Variants in STMN2 observed in about 807,000 individuals in gnomAD.
The protein encoded by STMN2 is stathmin 2.
In STMN2, 2 loss-of-function variants were observed where a neutral mutation model predicts 24.1. The observed-to-expected ratio is 0.08, with a 90% confidence interval of 0.03 to 0.26. The LOEUF (loss-of-function observed/expected upper bound fraction) is 0.26. STMN2 is among the 10% of genes least tolerant of loss of function. The pLI is 1.00. For missense variants in STMN2, 114 were observed against 213.6 expected (o/e 0.53, Z 2.91); for synonymous variants, 83 against 77.5 (o/e 1.07, Z -0.37).
chr8:79,635,521 GC>G (rs1809925396), intron 1 of STMN2, among the ~76,000 whole-genome samples: 1 of 152,138 alleles, frequency 6.6e-6, no homozygotes, highest in Non-Finnish European at 1.5e-5. Flanking sequence ...TCCATCTATG[GC>G]AGATTGGATA....
chr8:79,625,373 T>C (rs1007214753), intron 1 of STMN2, among the ~76,000 whole-genome samples: 6 of 152,154 alleles, frequency 3.9e-5, no homozygotes, highest in Non-Finnish European at 7.4e-5. Flanking sequence ...AAGTATCTTA[T>C]AGGAGGATTA....
chr8:79,641,424 T>C lies in STMN2; in HGVS notation c.162T>C (p.Phe54=). 6.2e-7 allele frequency: 1 copy of C among 1,614,132 alleles called. No homozygotes were observed. Among genetic ancestry groups the C allele is most frequent in the African/African-American group, 1.3e-5 (1 of 75,046 alleles). Residue 54 remains phenylalanine, a synonymous_variant, in exon 3 of 5, where the codon TTT becomes TTC. Transcript: ENST00000220876. ...ACAAACGTGCCTCTGGCCAGGCTTT[T>C]GAGCTGATCTTGAAGCCACCATCTC... ...QINKRASGQA[F]ELILKPPSPI...
intron 1 of STMN2, among the ~76,000 whole-genome samples, chr8:79,616,226 A>G (rs1246506245): frequency 1.3e-5 from 2 of 152,142 alleles, no homozygotes; most frequent in African/African-American, 4.8e-5. Flanking sequence ...ATCTAATCCA[A>G]TGTGATTTCA....
intron 1 of STMN2, among the ~76,000 whole-genome samples, chr8:79,625,723 C>G (rs190607056): frequency 1.3e-5 from 2 of 151,992 alleles, no homozygotes; most frequent in African/African-American, 4.8e-5. Flanking sequence ...TTTGGGAGGC[C>G]GAGGTGGGTG....
chr8:79,625,980 A>G (rs1447151638), intron 1 of STMN2, among the ~76,000 whole-genome samples: 2 of 151,144 alleles, frequency 1.3e-5, no homozygotes, highest in Admixed American at 1.3e-4. Flanking sequence ...AAATAAATCA[A>G]TCAATAAAAT....
rs551250303 is a variant in STMN2, at chr8:79,630,916, A to G, written c.20-5886A>G. On this transcript the variant is annotated intron_variant, in intron 1 of 4. Coordinates refer to ENST00000220876, the MANE Select transcript of STMN2 (RefSeq NM_007029.4). ...CTTAGGGGGATAAAAAAATCCCTCA[A>G]TACTCAGAATTAGACTTGGTGATAA... 2.0e-5 allele frequency among the ~76,000 whole-genome samples: 3 copies of G among 152,314 alleles called. No individual in the cohort carries two copies. The East Asian group carries it at 5.8e-4, about 29-fold the overall frequency.
rs576910019 is a variant in STMN2, at chr8:79,614,915, A to G, written c.19+3701A>G. Among the ~76,000 whole-genome samples the G allele has an allele frequency of 1.3e-3, 193 of 152,340 alleles. 2 individuals are homozygous for G. Among genetic ancestry groups the G allele is most frequent in the Non-Finnish European group, 1.6e-3 (112 of 68,032 alleles). On this transcript the variant is annotated intron_variant, in intron 1 of 4. Coordinates refer to ENST00000220876, the MANE Select transcript of STMN2 (RefSeq NM_007029.4). ...TGGAATAAGCATTTAATCATTTGGC[A>G]CAATATGACTTCCATCAAATAGCTC...
chr8:79,612,675 G>A (rs6982312), intron 1 of STMN2, among the ~76,000 whole-genome samples: 2 of 152,186 alleles, frequency 1.3e-5, no homozygotes, highest in Admixed American at 6.5e-5. Context: ...GTGGGGCCTG[G>A]GGTCCTGTGG....
At chr8:79,627,527 C>T (rs1300289996) in intron 1 of STMN2, among the ~76,000 whole-genome samples, 3 of 152,138 alleles carry the variant, frequency 2.0e-5, no homozygotes, top group Non-Finnish European at 4.4e-5. Context: ...ACAGTTTATG[C>T]ATCACTTATT....
At position 79,636,865 on chromosome 8, in the gene STMN2, A is replaced by T. The variant is rs1563440136; in HGVS notation, c.83A>T (p.Glu28Val). The T allele has an allele frequency of 1.2e-6, 2 of 1,613,856 alleles. No individual in the cohort carries two copies. Among genetic ancestry groups the T allele is most frequent in the Non-Finnish European group, 1.7e-6 (2 of 1,179,796 alleles). The change falls in exon 2 of 5, where the codon GAA (glutamate) becomes GTA (valine). Residue 28 changes from glutamate (E) to valine (V), a missense_variant. Transcript: ENST00000220876. ...CTGATCTGCTCTTGCTTTTACCCGGAACCTCGCAACATCAACATCTATACT... is the reference window on the plus strand; with the variant it reads ...CTGATCTGCTCTTGCTTTTACCCGGTACCTCGCAACATCAACATCTATACT... ...LSLICSCFYP[E>V]PRNINIYTYD...
intron 1 of STMN2, chr8:79,611,671 G>A: frequency 1.6e-6 from 1 of 610,012 alleles, no homozygotes; most frequent in South Asian, 6.8e-5. Flanking sequence ...AAGTCAAAGC[G>A]GTCCCATCCC....
In STMN2 at chr8:79,641,392, C is replaced by G; in HGVS notation, c.130C>G (p.Gln44Glu). 1 of 1,613,534 alleles carries G rather than the reference C, an allele frequency of 6.2e-7. No individual in the cohort carries two copies. Among genetic ancestry groups the G allele is most frequent in the Non-Finnish European group, 8.5e-7 (1 of 1,179,840 alleles). ...TCACTTTTCAGATATGGAAGTGAAG[C>G]AAATCAACAAACGTGCCTCTGGCCA... ...IYTYDDMEVK[Q>E]INKRASGQAF... The change falls in exon 3 of 5, where the codon CAA (glutamine) becomes GAA (glutamate). Residue 44 changes from glutamine (Q) to glutamate (E), a missense_variant. By Grantham distance (29) the Gln-to-Glu change is conservative. Transcript: ENST00000220876.
intron 4 of STMN2, among the ~76,000 whole-genome samples, chr8:79,663,369 G>A (rs1180404867): frequency 2.0e-5 from 3 of 152,110 alleles, no homozygotes. Flanking sequence ...CTGTGTTTCA[G>A]TTTCTTCATC....
intron 1 of STMN2, 128 bp downstream of exon 1, chr8:79,611,342 G>A (rs1809214986): frequency 1.6e-6 from 2 of 1,276,324 alleles, no homozygotes; most frequent in East Asian, 2.5e-5. Flanking sequence ...ACAGGACCAG[G>A]AAGGACAGGG....
rs936955252 is a variant in STMN2, at chr8:79,613,835, T to A, written c.19+2621T>A. ...TGCTTCCTGCCAGGATTATGTATGT[T>A]CATGTGGCTAAGATACATGTGCAAG... On this transcript the variant is annotated intron_variant, in intron 1 of 4. Transcript: ENST00000220876. 20 of 985,300 alleles carry A rather than the reference T, an allele frequency of 2.0e-5. No individual in the cohort carries two copies. The East Asian group carries it at 1.5e-3, about 73-fold the overall frequency. 61.0% of individuals were successfully genotyped at this position (985,300 alleles called of 1,614,324 possible). A position where few individuals can be genotyped will look rare whatever the true frequency, so the allele number is the denominator to read the frequency against.
chr8:79,623,552 A>G (rs1809569593), intron 1 of STMN2, among the ~76,000 whole-genome samples: 1 of 152,242 alleles, frequency 6.6e-6, no homozygotes, highest in Non-Finnish European at 1.5e-5. Flanking sequence ...ATTTACAAGT[A>G]TAGTACAGTT....
Position 79,664,989 on chromosome 8 carries a change from T to TAAA in STMN2, c.*126_*128dup, listed in dbSNP as rs879218783. 45 of 590,456 alleles carry TAAA rather than the reference T, an allele frequency of 7.6e-5. No individual in the cohort carries two copies. Among genetic ancestry groups the TAAA allele is most frequent in the South Asian group, 2.1e-4 (3 of 14,458 alleles). The allele number at this position is 590,456 out of a possible 1,614,324, so 36.6% of individuals were successfully genotyped here. A position where few individuals can be genotyped will look rare whatever the true frequency, so the allele number is the denominator to read the frequency against. On this transcript the variant is annotated 3_prime_UTR_variant, in exon 5 of 5. Transcript: ENST00000220876. ...GACATGGTTTAAAAAGAACTCATTA[T>TAAA]AAAAAAAAAAAAACAAAAAAAATCA...
In STMN2 at chr8:79,636,948, G is replaced by C; in HGVS notation, c.115+51G>C. 1.9e-6 allele frequency: 3 copies of C among 1,542,070 alleles called. No homozygotes were observed. In the Admixed American group the frequency reaches 5.1e-5, roughly 26 times the overall value. ...CCTGCTAGCTAGATCATTTGGAAAGGTTGACATATATTTGTTTCTTACAGC... is the reference window on the plus strand; with the variant it reads ...CCTGCTAGCTAGATCATTTGGAAAGCTTGACATATATTTGTTTCTTACAGC... On this transcript the variant is annotated intron_variant, in intron 2 of 4. Transcript: ENST00000220876.
At position 79,640,827 on chromosome 8, in the gene STMN2, G is replaced by A. The variant is rs189393198; in HGVS notation, c.116-551G>A. Among the ~76,000 whole-genome samples, 173 of 152,318 alleles carry A rather than the reference G, an allele frequency of 1.1e-3. 1 individual carries two copies. The highest frequency in any genetic ancestry group is 3.4e-3 in the African/African-American group (143 of 41,568). On this transcript the variant is annotated intron_variant, in intron 2 of 4. Transcript: ENST00000220876. ...CCAAATATGCCCAACTGTTCAGGGA[G>A]TTACATTGGTTCTAACGAAGCTCCT...
Sources: gnomAD v4.1 joint callset for allele counts (sites outside exome capture counted in the v4.1 genomes callset) on GRCh38, gnomAD v4.1.1 for gene constraint, MANE v1.5 for transcripts, NCBI Gene and HGNC (gene_info 2026-07-23, HGNC 2026-07-21) for gene names.